Variants in COLEC10 observed in about 807,000 individuals in gnomAD.
COLEC10 encodes the protein collectin-10.
COLEC10 carries 22 observed loss-of-function variants against 28.4 expected under a neutral mutation model. The ratio of observed to expected loss-of-function variants is 0.78; its 90% CI spans 0.55 to 1.11. COLEC10 has a LOEUF of 1.11. Ranked by LOEUF, COLEC10 falls within the 50% of genes least tolerant of loss-of-function variation. The pLI, the probability that COLEC10 is intolerant of heterozygous loss-of-function variation, is 0.00. For missense variants in COLEC10, 361 were observed against 344.1 expected (o/e 1.05, Z -0.39); for synonymous variants, 125 against 116.1 (o/e 1.08, Z -0.49).
the COLEC10 span, among the ~76,000 whole-genome samples, chr8:118,987,851 G>T: frequency 6.6e-6 from 1 of 152,118 alleles, no homozygotes; most frequent in Non-Finnish European, 1.5e-5. Flanking sequence ...GATAAGCAAA[G>T]AAACTGATAA....
Position 119,024,104 on chromosome 8 carries a change from A to C in COLEC10, n.235+14551A>C, listed in dbSNP as rs539382217. 2.0e-5 allele frequency among the ~76,000 whole-genome samples: 3 copies of C among 152,252 alleles called. No individual in the cohort carries two copies. In the South Asian group the frequency reaches 6.2e-4, roughly 32 times the overall value. Reference sequence around the variant, plus strand: ...AGTTTTTCAGTCTTTCATTCAGAAAAAGTGCCTTAAATTTTGTGTTTCCAC... The same window carrying C: ...AGTTTTTCAGTCTTTCATTCAGAAACAGTGCCTTAAATTTTGTGTTTCCAC... On this transcript the variant is annotated intron_variant and non_coding_transcript_variant, in intron 2 of 6. Transcript: ENST00000521788.
chr8:118,996,217 C>T (rs1409144596), intron 1 of COLEC10, among the ~76,000 whole-genome samples: 1 of 152,188 alleles, frequency 6.6e-6, no homozygotes, highest in African/African-American at 2.4e-5. Context: ...TTTCCTTTGG[C>T]TAAGGCTGAA....
At chr8:119,012,144 T>A (rs76521856) in intron 2 of COLEC10, among the ~76,000 whole-genome samples, 6,869 of 150,878 alleles carry the variant, frequency 0.046, 450 homozygotes, top group East Asian at 0.16. Context: ...TCAGTTCTAT[T>A]CTTAGTTTAC....
At chr8:119,074,008 G>C (rs77455499) in intron 1 of COLEC10, among the ~76,000 whole-genome samples, 1 of 150,444 alleles carries the variant, frequency 6.6e-6, no homozygotes, top group African/African-American at 2.4e-5. Context: ...ATATATATAC[G>C]TGTATATATA....
At chr8:118,980,205 T>A in the COLEC10 span, among the ~76,000 whole-genome samples, 1 of 145,338 alleles carries the variant, frequency 6.9e-6, no homozygotes, top group East Asian at 1.9e-4. Context: ...AAACATTCTT[T>A]TTTTTTTTTT....
At chr8:119,105,693 A>G in intron 5 of COLEC10, 107 bp from the exon 6 acceptor site, 1 of 1,078,700 alleles carries the variant, frequency 9.3e-7, no homozygotes, top group Non-Finnish European at 1.3e-6. Flanking sequence ...TTGAAAAATA[A>G]TTCTTGAATA....
chr8:118,986,098 T>C, the COLEC10 span, among the ~76,000 whole-genome samples: 1 of 152,096 alleles, frequency 6.6e-6, no homozygotes, highest in Non-Finnish European at 1.5e-5. Flanking sequence ...GAAATCTAAT[T>C]TAATGATGAA....
Position 119,104,214 on chromosome 8 carries a change from T to C in COLEC10, c.442+319T>C, listed in dbSNP as rs16892033. On this transcript the variant is annotated intron_variant, in intron 5 of 5. Transcript: ENST00000332843. ...AGAGACAGTAAGAGTCACACAGAAC[T>C]AGCATCTCAGAAAATAGAGGTAATA... is the stretch of plus-strand genomic sequence containing the variant. 9.5e-3 allele frequency among the ~76,000 whole-genome samples: 1,448 copies of C among 152,244 alleles called. 18 individuals carry two copies. The highest frequency in any genetic ancestry group is 0.031 in the African/African-American group (1,288 of 41,550).
At chr8:119,010,540 T>G (rs554977632) in intron 2 of COLEC10, among the ~76,000 whole-genome samples, 2 of 151,008 alleles carry the variant, frequency 1.3e-5, no homozygotes, top group African/African-American at 4.9e-5. Context: ...AATTACTAGA[T>G]TTTATGGTAA....
In COLEC10 at chr8:119,091,188, A is replaced by C. The variant is rs1364429596; in HGVS notation, c.260A>C (p.Asn87Thr). The C allele has an allele frequency of 6.2e-7, 1 of 1,612,938 alleles. No individual in the cohort carries two copies. The highest frequency in any genetic ancestry group is 2.2e-5 in the East Asian group (1 of 44,800). ...GELGDMGDQG[N>T]IGKTGPIGKK... ...CTGGGTGATATGGGAGATCAGGGCA[A>C]TATTGGCAAGACTGGGCCCATTGGG... Residue 87 changes from asparagine to threonine, a missense_variant, in exon 3 of 6, where the codon AAT becomes ACT. Coordinates refer to ENST00000332843, the MANE Select transcript of COLEC10 (RefSeq NM_006438.5).
intron 1 of COLEC10, among the ~76,000 whole-genome samples, chr8:119,077,243 A>ATTTTTTTTTTTTTTTTTTTT (rs762180766): frequency 1.0e-4 from 9 of 90,286 alleles, no homozygotes; most frequent in Non-Finnish European, 1.5e-4. Context: ...GTAGAGAATG[A>ATTTTTTTTTTTTTTTTTTTT]TTTTTTTTTT....
chr8:119,002,809 A>G (rs544201089), intron 1 of COLEC10, among the ~76,000 whole-genome samples: 2 of 152,314 alleles, frequency 1.3e-5, no homozygotes, highest in East Asian at 3.9e-4. Context: ...AGGTGATCAA[A>G]AGGTATTACC....
chr8:118,989,638 C>T, the COLEC10 span, among the ~76,000 whole-genome samples: 1 of 149,688 alleles, frequency 6.7e-6, no homozygotes, highest in Non-Finnish European at 1.5e-5. Flanking sequence ...CTTGGAAGAA[C>T]AAATAAAATT....
At chr8:119,001,607 T>C (rs1813701490) in intron 1 of COLEC10, among the ~76,000 whole-genome samples, 1 of 152,166 alleles carries the variant, frequency 6.6e-6, no homozygotes, top group African/African-American at 2.4e-5. Flanking sequence ...ACAGTGCTAC[T>C]TGATTAGTAG....
At chr8:119,054,693 C>T (rs774855002) in intron 2 of COLEC10, among the ~76,000 whole-genome samples, 1 of 151,986 alleles carries the variant, frequency 6.6e-6, no homozygotes, top group Non-Finnish European at 1.5e-5. Flanking sequence ...TGGAATGATG[C>T]CTCTGGAATT....
chr8:118,955,254 C>T, the COLEC10 span, among the ~76,000 whole-genome samples: 1 of 152,070 alleles, frequency 6.6e-6, no homozygotes, highest in African/African-American at 2.4e-5. Flanking sequence ...AACTATTTGC[C>T]TTTATAGGTC....
upstream of COLEC10, among the ~76,000 whole-genome samples, chr8:118,994,038 A>C (rs1013190930): frequency 6.6e-6 from 1 of 152,172 alleles, no homozygotes; most frequent in Non-Finnish European, 1.5e-5. Flanking sequence ...ATCAAAATGG[A>C]GAACATATTG....
chr8:119,102,240 CT>C, intron 3 of COLEC10, 107 bp from the exon 4 acceptor site: 2 of 242,782 alleles, frequency 8.2e-6, no homozygotes, highest in Non-Finnish European at 1.5e-5. Context: ...CCCTCCCTCC[CT>C]CCTTCCTTCT....
chr8:118,976,129 G>T, the COLEC10 span, among the ~76,000 whole-genome samples: 3 of 151,926 alleles, frequency 2.0e-5, no homozygotes, highest in Admixed American at 6.6e-5. Context: ...TGACAGCCAG[G>T]TAGTATCCAA....
Sources: allele counts gnomAD v4.1 joint callset (sites outside exome capture counted in the v4.1 genomes callset), GRCh38; gene constraint gnomAD v4.1.1; transcripts MANE v1.5; gene names NCBI Gene and HGNC (gene_info 2026-07-23, HGNC 2026-07-21).